The following RBFOX3 variants were observed in gnomAD, a reference collection of about 807,000 sequenced individuals.
RBFOX3 encodes the protein RNA binding fox-1 homolog 3, also known as RNA binding protein fox-1 homolog 3.
In RBFOX3, 17 loss-of-function variants were observed where a neutral mutation model predicts 48.7. That is an observed-to-expected ratio of 0.35 (90% CI 0.24 to 0.52). The LOEUF is 0.52. Ranked by LOEUF, RBFOX3 falls within the 20% of genes least tolerant of loss-of-function variation. The probability of loss-of-function intolerance (pLI) is 0.94; values close to 1 mark genes in which losing one functional copy is unlikely to be tolerated. For missense variants in RBFOX3, 382 were observed against 497.5 expected (o/e 0.77, Z 2.21); for synonymous variants, 212 against 209.5 (o/e 1.01, Z -0.10).
intron 2 of RBFOX3, among the ~76,000 whole-genome samples, chr17:79,334,477 T>C (rs1036829993): frequency 3.9e-5 from 6 of 152,336 alleles, no homozygotes; most frequent in South Asian, 2.1e-4. Flanking sequence ...GCATCCTTAG[T>C]GTTCAGATCC....
intron 4 of RBFOX3, among the ~76,000 whole-genome samples, chr17:79,169,940 G>GAAAGAAGGA (rs888652729): frequency 3.3e-5 from 5 of 151,720 alleles, no homozygotes; most frequent in Admixed American, 6.6e-5. Flanking sequence ...AGAAGAGAAG[G>GAAAGAAGGA]AAAGAAGGAA....
intron 4 of RBFOX3, among the ~76,000 whole-genome samples, chr17:79,177,436 A>G (rs537985233): frequency 6.6e-6 from 1 of 152,286 alleles, no homozygotes; most frequent in South Asian, 2.1e-4. Context: ...GCTGGAGAGG[A>G]GAGGCGGGAG....
intron 1 of RBFOX3, among the ~76,000 whole-genome samples, chr17:79,555,282 A>G (rs1469746920): frequency 1.4e-5 from 2 of 146,510 alleles, no homozygotes; most frequent in Non-Finnish European, 1.5e-5. Flanking sequence ...TGGTGGTGGT[A>G]GTGGTGGTGA....
intron 1 of RBFOX3, among the ~76,000 whole-genome samples, chr17:79,594,787 C>T (rs1161150901): frequency 3.9e-5 from 6 of 152,258 alleles, no homozygotes; most frequent in Admixed American, 2.0e-4. Context: ...TAGGCAGCTG[C>T]GAGGCCTTCC....
chr17:79,561,498 A>C (rs2092214629), intron 1 of RBFOX3, among the ~76,000 whole-genome samples: 1 of 152,172 alleles, frequency 6.6e-6, no homozygotes, highest in Admixed American at 6.5e-5. Flanking sequence ...CCCCAGAGAC[A>C]CACGAACGAG....
chr17:79,173,666 G>A (rs529690565), intron 4 of RBFOX3, among the ~76,000 whole-genome samples: 5 of 152,254 alleles, frequency 3.3e-5, no homozygotes, highest in African/African-American at 9.6e-5. Flanking sequence ...ACCCCATCCC[G>A]TCCGCTCACT....
intron 11 of RBFOX3, among the ~76,000 whole-genome samples, 171 bp from the exon 12 acceptor site, chr17:79,097,004 C>T (rs2075403045): frequency 6.6e-6 from 1 of 152,130 alleles, no homozygotes; most frequent in African/African-American, 2.4e-5. Flanking sequence ...AGAAGCCCCT[C>T]GCTGACCTCA....
chr17:79,655,614 C>T, the RBFOX3 span, among the ~76,000 whole-genome samples: 8 of 152,244 alleles, frequency 5.3e-5, no homozygotes, highest in African/African-American at 1.7e-4. Flanking sequence ...CTGACAGGGA[C>T]TGGCTGTGCC....
chr17:79,421,642 A>T lies in RBFOX3; in HGVS notation c.-175+60812T>A, dbSNP rs2066401548. On this transcript the variant is annotated intron_variant, in intron 2 of 14. Coordinates refer to ENST00000693108, the MANE Select transcript of RBFOX3 (RefSeq NM_001350451.2). The surrounding 1 kb of genome is among the most constrained non-coding windows in gnomAD (Gnocchi z 4.5). ...TGGACCCCTGACCAGGGCATGCGGG[A>T]CCCCAGGGGCACACCGAACGCGGTC... Among the ~76,000 whole-genome samples, 1 of 151,932 alleles carries T rather than the reference A, an allele frequency of 6.6e-6. No individual in the cohort carries two copies. Among genetic ancestry groups the T allele is most frequent in the African/African-American group, 2.4e-5 (1 of 41,370 alleles).
In RBFOX3 at chr17:79,481,139, C is replaced by G. The variant is rs2078718194; in HGVS notation, c.-175+1315G>C. Among the ~76,000 whole-genome samples, 2 of 152,206 alleles carry G rather than the reference C, an allele frequency of 1.3e-5. No individual in the cohort carries two copies. On this transcript the variant is annotated intron_variant, in intron 2 of 14. Transcript: ENST00000693108. This position sits in a 1 kb window ranked among gnomAD's most constrained non-coding sequence, Gnocchi z 5.4. ...ATAGAGACTTCCAATTCTGCAAACT[C>G]TGGAAAGAGCATCTTTTGATGGGTA...
At chr17:79,215,722 TC>T (rs907924596) in intron 4 of RBFOX3, among the ~76,000 whole-genome samples, 1 of 152,170 alleles carries the variant, frequency 6.6e-6, no homozygotes, top group Admixed American at 6.5e-5. Flanking sequence ...CAGGAGCGTA[TC>T]CCCCAGGCTT....
At chr17:79,589,229 G>A (rs1351354624) in intron 1 of RBFOX3, among the ~76,000 whole-genome samples, 1 of 151,146 alleles carries the variant, frequency 6.6e-6, no homozygotes, top group Non-Finnish European at 1.5e-5. Flanking sequence ...GCAGGCTGCC[G>A]TCTGAGTCTG....
At chr17:79,264,744 A>G (rs1284017686) in intron 3 of RBFOX3, among the ~76,000 whole-genome samples, 3 of 152,124 alleles carry the variant, frequency 2.0e-5, no homozygotes, top group African/African-American at 7.2e-5. Flanking sequence ...GGCCCGGGGT[A>G]CAGTCTCTGT....
At chr17:79,233,945 G>T (rs913734553) in intron 4 of RBFOX3, 2 of 152,226 alleles carry the variant, frequency 1.3e-5, no homozygotes, top group Non-Finnish European at 2.9e-5. Flanking sequence ...GACTCACCTG[G>T]GGGCTCCTTC....
chr17:79,138,829 CCA>C (rs1457898959), intron 4 of RBFOX3, among the ~76,000 whole-genome samples: 32 of 136,228 alleles, frequency 2.3e-4, no homozygotes, highest in African/African-American at 4.0e-4. Flanking sequence ...ACCCCCTCAC[CCA>C]CACACATGCA....
At chr17:79,325,471 AT>A (rs1030866328) in intron 2 of RBFOX3, among the ~76,000 whole-genome samples, 4 of 152,094 alleles carry the variant, frequency 2.6e-5, no homozygotes, top group African/African-American at 9.7e-5. Context: ...AGTTAGTTAC[AT>A]TTTCCCAACC....
intron 2 of RBFOX3, among the ~76,000 whole-genome samples, chr17:79,474,800 G>A (rs1037082772): frequency 1.1e-4 from 16 of 152,072 alleles, no homozygotes; most frequent in Admixed American, 6.6e-4. Flanking sequence ...AGAGCCCCAC[G>A]CATCACTAAC....
intron 2 of RBFOX3, among the ~76,000 whole-genome samples, chr17:79,476,957 G>GAGGA (rs1246128875): frequency 2.0e-5 from 3 of 152,054 alleles, no homozygotes; most frequent in African/African-American, 7.2e-5. Flanking sequence ...AAAGGAGGAG[G>GAGGA]AGGAAGGTGC....
chr17:79,589,752 C>T (rs1038272804), intron 1 of RBFOX3, among the ~76,000 whole-genome samples: 3 of 152,074 alleles, frequency 2.0e-5, no homozygotes, highest in Non-Finnish European at 4.4e-5. Context: ...CAACCCAATA[C>T]CCCCATGTGG....
Sources: gnomAD v4.1 joint callset for allele counts (sites outside exome capture counted in the v4.1 genomes callset) on GRCh38, gnomAD v4.1.1 for gene constraint, Gnocchi (gnomAD v3.1) non-coding constraint, MANE v1.5 for transcripts, NCBI Gene and HGNC (gene_info 2026-07-23, HGNC 2026-07-21) for gene names.